TXNRD2: variants seen among roughly 807,000 people sequenced by gnomAD.
TXNRD2 encodes thioredoxin reductase 2.
A neutral mutation model predicts 70.8 loss-of-function variants in TXNRD2; 67 were observed. The observed-to-expected ratio is 0.95, with a 90% CI of 0.78 to 1.16. The LOEUF is 1.16. Ranked by LOEUF, TXNRD2 falls within the 50% of genes most tolerant of loss-of-function variation. The pLI, the probability that TXNRD2 is intolerant of heterozygous loss-of-function variation, is 0.00. For missense variants in TXNRD2, 644 were observed against 719.9 expected (o/e 0.89, Z 1.21); for synonymous variants, 301 against 295.8 (o/e 1.02, Z -0.18).
chr22:19,915,839 C>G lies in TXNRD2; in HGVS notation c.454G>C (p.Val152Leu), dbSNP rs374563853. The change falls in exon 6 of 18, where the codon GTC becomes CTC. Residue 152 changes from valine to leucine, a missense_variant. This residue lies in a region of TXNRD2 where 566 missense variants were observed against 645.0 expected (regional missense o/e 0.88). Coordinates refer to ENST00000400521, the MANE Select transcript of TXNRD2 (RefSeq NM_006440.5). ...GHRVQLQDRK[V>L]KYFNIKASFV... ...CTGGCTTTGATGTTAAAGTACTTGA[C>G]TTTTCTGAAAGATAAAGATAAGATT... The G allele has an allele frequency of 1.9e-6, 3 of 1,614,048 alleles. No individual in the cohort carries two copies. The highest frequency in any genetic ancestry group is 2.5e-6 in the Non-Finnish European group (3 of 1,179,912).
At chr22:19,892,393 C>T (rs1024680440) in intron 11 of TXNRD2, among the ~76,000 whole-genome samples, 9 of 152,260 alleles carry the variant, frequency 5.9e-5, no homozygotes, top group African/African-American at 2.2e-4. Flanking sequence ...CCTCGGGAAG[C>T]AGGGTCAGAG....
chr22:19,931,124 C>A, intron 1 of TXNRD2, 26 bp from the exon 2 acceptor site: 1 of 1,609,018 alleles, frequency 6.2e-7, no homozygotes. Context: ...AGAGGTGGGA[C>A]GGACTGTCTG....
chr22:19,886,414 G>A (rs1939036656), intron 11 of TXNRD2, among the ~76,000 whole-genome samples: 1 of 152,270 alleles, frequency 6.6e-6, no homozygotes, highest in Non-Finnish European at 1.5e-5. Context: ...AGGCGTCCTA[G>A]GCCCTACTGG....
chr22:19,921,114 A>G (rs1940897274), intron 2 of TXNRD2, among the ~76,000 whole-genome samples: 1 of 141,894 alleles, frequency 7.0e-6, no homozygotes, highest in East Asian at 1.9e-4. Flanking sequence ...CTCAAAAAAA[A>G]AAAAAAAAAG....
chr22:19,927,636 CAT>C (rs989655392), intron 2 of TXNRD2, among the ~76,000 whole-genome samples: 1 of 103,716 alleles, frequency 9.6e-6, no homozygotes, highest in Non-Finnish European at 1.8e-5. Context: ...CTGGGCAACA[CAT>C]GAGACCTTGT....
In TXNRD2 at chr22:19,911,366, G is replaced by A. The variant is rs373734411; in HGVS notation, c.662+11C>T. 9.3e-6 allele frequency: 15 copies of A among 1,611,040 alleles called. No individual in the cohort carries two copies. In the Middle Eastern group the frequency reaches 5.0e-4, roughly 53 times the overall value. On this transcript the variant is annotated intron_variant, in intron 8 of 17. Coordinates refer to ENST00000400521, the MANE Select transcript of TXNRD2 (RefSeq NM_006440.5). ...AAAAAGAGGACCCCACCAAGCACGCGCAGGCCTTACGTTTTTCCAGGGGAT... is the reference window on the plus strand; with the variant it reads ...AAAAAGAGGACCCCACCAAGCACGCACAGGCCTTACGTTTTTCCAGGGGAT...
intron 9 of TXNRD2, 65 bp from the exon 10 acceptor site, chr22:19,898,195 G>C: frequency 9.6e-6 from 14 of 1,454,446 alleles, no homozygotes; most frequent in Non-Finnish European, 1.3e-5. Flanking sequence ...CAACACCCCA[G>C]GGCCCTGTGC....
At chr22:19,910,783 G>C (rs1940371340) in intron 8 of TXNRD2, among the ~76,000 whole-genome samples, 1 of 152,120 alleles carries the variant, frequency 6.6e-6, no homozygotes, top group African/African-American at 2.4e-5. Flanking sequence ...AATATTTTCA[G>C]ATTTTTGTAG....
chr22:19,923,433 G>A (rs891480501), intron 2 of TXNRD2, among the ~76,000 whole-genome samples: 2 of 152,136 alleles, frequency 1.3e-5, no homozygotes, highest in Non-Finnish European at 2.9e-5. Context: ...CTCTCGACCT[G>A]TCCTGGCTCT....
At chr22:19,907,709 C>T (rs1327082014) in intron 8 of TXNRD2, among the ~76,000 whole-genome samples, 5 of 56,578 alleles carry the variant, frequency 8.8e-5, no homozygotes, top group East Asian at 8.3e-4. Context: ...GCAGTGACCG[C>T]TCTCAGGAGA....
chr22:19,879,360 G>A (rs1020488271), intron 14 of TXNRD2, among the ~76,000 whole-genome samples: 8 of 152,104 alleles, frequency 5.3e-5, no homozygotes, highest in African/African-American at 1.2e-4. Context: ...AAACCGCACC[G>A]AAGGCTTCCA....
intron 11 of TXNRD2, among the ~76,000 whole-genome samples, chr22:19,892,383 C>A (rs1403660826): frequency 6.6e-6 from 1 of 152,272 alleles, no homozygotes; most frequent in Non-Finnish European, 1.5e-5. Context: ...GCCGCGCCGC[C>A]CTCGGGAAGC....
rs1474684045 is a variant in TXNRD2 at position 19,941,727 on chromosome 22, A to ACCCCGCC, written c.70_76dup (p.Val26GlyfsTer18). The ACCCCGCC allele has an allele frequency of 4.0e-6, 6 of 1,487,246 alleles. No homozygotes were observed. The highest frequency in any genetic ancestry group is 5.3e-6 in the Non-Finnish European group (6 of 1,126,010). 92.1% of individuals were successfully genotyped at this position (1,487,246 alleles called of 1,614,324 possible). A position where few individuals can be genotyped will look rare whatever the true frequency, so the allele number is the denominator to read the frequency against. ...TGCTGCGCCCCGCGCCGCGCCCCGC[A>ACCCCGCC]CCCCGCCCGCCACGGCCTGCGTCCG... On this transcript the variant is annotated frameshift_variant, in exon 1 of 18. Transcript: ENST00000400521. LOFTEE classifies it high-confidence loss of function.
chr22:19,911,053 G>C (rs4819848), intron 8 of TXNRD2: 382,412 of 382,440 alleles, frequency 1, 191,192 homozygotes, highest in Middle Eastern at 1. Context: ...TCAGTTTGGG[G>C]GACAGAGTGA....
chr22:19,930,897 A>C, intron 2 of TXNRD2, 133 bp downstream of exon 2: 1 of 804,142 alleles, frequency 1.2e-6, no homozygotes, highest in South Asian at 1.4e-5. Context: ...ACAAGCCACA[A>C]CACAGAGGCC....
At chr22:19,912,325 G>A (rs369996828) in intron 7 of TXNRD2, among the ~76,000 whole-genome samples, 8 of 152,240 alleles carry the variant, frequency 5.3e-5, no homozygotes, top group African/African-American at 1.9e-4. Flanking sequence ...GGACTAAAAC[G>A]CAAGCAAGCC....
At position 19,894,873 on chromosome 22, in the gene TXNRD2, A is replaced by G. The variant is rs1023677798; in HGVS notation, c.949+534T>C. The G allele has an allele frequency of 5.6e-6, 4 of 709,836 alleles. No homozygotes were observed. In the African/African-American group the frequency reaches 7.4e-5, roughly 13 times the overall value. The allele number at this position is 709,836 out of a possible 1,614,324, so 44.0% of individuals were successfully genotyped here. On this transcript the variant is annotated intron_variant, in intron 11 of 17. Coordinates refer to ENST00000400521, the MANE Select transcript of TXNRD2 (RefSeq NM_006440.5). Reference sequence around the variant, plus strand: ...TGTAGTGGTGGGCGCCTGTAGCCCCAGCTACCCAGGAGGCTGAGGCAGGAG... The same window carrying G: ...TGTAGTGGTGGGCGCCTGTAGCCCCGGCTACCCAGGAGGCTGAGGCAGGAG...
At chr22:19,930,935 C>T (rs773103672) in intron 2 of TXNRD2, 95 bp downstream of exon 2, 70 of 1,122,416 alleles carry the variant, frequency 6.2e-5, no homozygotes, top group Admixed American at 1.9e-4. Context: ...AGGGAGGCAA[C>T]GCATTTTGCT....
At chr22:19,900,623 G>A (rs34639306) in intron 8 of TXNRD2, among the ~76,000 whole-genome samples, 32,701 of 152,074 alleles carry the variant, frequency 0.22, 4,318 homozygotes, top group African/African-American at 0.36. Flanking sequence ...GGCGATGTGC[G>A]CCTGTAGTCC....
Sources: allele counts gnomAD v4.1 joint callset (sites outside exome capture counted in the v4.1 genomes callset), GRCh38; gene constraint gnomAD v4.1.1; regional missense constraint gnomAD v4.1.1; transcripts MANE v1.5; gene names NCBI Gene and HGNC (gene_info 2026-07-23, HGNC 2026-07-21).